The following MAP3K7CL variants were observed in gnomAD, a reference collection of about 807,000 sequenced individuals.
MAP3K7CL encodes the protein MAP3K7 C-terminal-like protein.
MAP3K7CL carries 16 observed loss-of-function variants against 18.6 expected under a neutral mutation model. The ratio of observed to expected loss-of-function variants is 0.86; its 90% CI spans 0.58 to 1.31. The LOEUF is 1.31. Ranked by LOEUF, MAP3K7CL falls within the 50% of genes most tolerant of loss-of-function variation. MAP3K7CL has a pLI of 0.00. For missense variants in MAP3K7CL, 163 were observed against 174.4 expected, an observed-to-expected ratio of 0.93 and a Z score of 0.37; for synonymous variants, 65 against 66.8, an observed-to-expected ratio of 0.97 and a Z score of 0.13.
At chr21:29,149,081 A>T (rs560167433) in intron 2 of MAP3K7CL, 108 bp from the exon 3 acceptor site, 4 of 915,618 alleles carry the variant, frequency 4.4e-6, no homozygotes, top group African/African-American at 3.3e-5. Flanking sequence ...AACTGAAGTG[A>T]TGAAATGACT....
chr21:29,171,775 C>A (rs997429074), intron 4 of MAP3K7CL, among the ~76,000 whole-genome samples: 9 of 142,758 alleles, frequency 6.3e-5, no homozygotes, highest in African/African-American at 2.4e-4. Context: ...CCACCGCACT[C>A]CAGTCTGGGT....
chr21:29,089,931 A>G (rs1176939171), intron 1 of MAP3K7CL, among the ~76,000 whole-genome samples: 6 of 152,024 alleles, frequency 3.9e-5, no homozygotes, highest in Non-Finnish European at 5.9e-5. Flanking sequence ...AATAAGAAAG[A>G]AGGAGGAAAG....
At position 29,130,890 on chromosome 21, in the gene MAP3K7CL, G is replaced by C; in HGVS notation, c.-73G>C. 1.0e-6 allele frequency: 1 copy of C among 985,532 alleles called. No individual in the cohort carries two copies. The highest frequency in any genetic ancestry group is 1.2e-6 in the Non-Finnish European group (1 of 830,014). 61.0% of individuals were successfully genotyped at this position (985,532 alleles called of 1,614,324 possible). A position where few individuals can be genotyped will look rare whatever the true frequency, so the allele number is the denominator to read the frequency against. ...ACTGGCCAAGGCAGTGGCTGGCTCT[G>C]GGTTACACAAGTGCAGACACTCAAC... On this transcript the variant is annotated 5_prime_UTR_variant, in exon 1 of 5. Transcript: ENST00000399928.
chr21:29,143,448 G>C (rs1276923710), intron 2 of MAP3K7CL, among the ~76,000 whole-genome samples: 2 of 151,402 alleles, frequency 1.3e-5, no homozygotes, highest in Admixed American at 1.3e-4. Context: ...TTGAGGCGGA[G>C]TTTCACTCTT....
chr21:29,083,961 AATAT>A (rs898860241), upstream of MAP3K7CL, among the ~76,000 whole-genome samples: 1 of 147,396 alleles, frequency 6.8e-6, no homozygotes, highest in East Asian at 1.9e-4. Context: ...TATAATATAT[AATAT>A]ATATAATTGT....
chr21:29,148,291 G>A (rs2087190522), intron 2 of MAP3K7CL, among the ~76,000 whole-genome samples: 1 of 151,986 alleles, frequency 6.6e-6, no homozygotes, highest in African/African-American at 2.4e-5. Context: ...GTACATATAT[G>A]TGTACTGTGT....
intron 4 of MAP3K7CL, among the ~76,000 whole-genome samples, chr21:29,108,254 C>T (rs865858109): frequency 6.8e-4 from 103 of 152,216 alleles, no homozygotes; most frequent in African/African-American, 2.3e-3. Context: ...CAGATAGCCC[C>T]CTCTCTCCAT....
At chr21:29,150,580 G>A (rs143192877) in intron 3 of MAP3K7CL, among the ~76,000 whole-genome samples, 53 of 152,188 alleles carry the variant, frequency 3.5e-4, no homozygotes, top group African/African-American at 8.2e-4. Flanking sequence ...GAGCTCTGTC[G>A]TCCCCTAAAA....
At chr21:29,114,371 A>G (rs1042758884) in intron 4 of MAP3K7CL, among the ~76,000 whole-genome samples, 2 of 146,240 alleles carry the variant, frequency 1.4e-5, no homozygotes, top group African/African-American at 5.1e-5. Context: ...GCCAGGCCTT[A>G]TTTTGTTTTT....
At position 29,100,226 on chromosome 21, in the gene MAP3K7CL, T is replaced by C. The variant is rs142550583; in HGVS notation, c.370+7645T>C. Among the ~76,000 whole-genome samples, 11 of 152,368 alleles carry C rather than the reference T, an allele frequency of 7.2e-5. No individual in the cohort carries two copies. In the East Asian group the frequency reaches 2.1e-3, roughly 29 times the overall value. ...AAGCCTCACTGGTTTTCGGCATGGCTGCCTTTCTTCATCTCAATTGAGTAA... is the reference window on the plus strand; with the variant it reads ...AAGCCTCACTGGTTTTCGGCATGGCCGCCTTTCTTCATCTCAATTGAGTAA... On this transcript the variant is annotated intron_variant, in intron 4 of 6. Transcript: ENST00000286791.
chr21:29,089,112 G>A (rs987518845), intron 1 of MAP3K7CL, among the ~76,000 whole-genome samples: 11 of 145,576 alleles, frequency 7.6e-5, no homozygotes, highest in Admixed American at 1.4e-4. Context: ...AGAGGTTGCA[G>A]TGAGCCGAGA....
intron 2 of MAP3K7CL, among the ~76,000 whole-genome samples, chr21:29,140,400 C>T (rs2086980144): frequency 6.6e-6 from 1 of 152,148 alleles, no homozygotes; most frequent in East Asian, 1.9e-4. Context: ...ATCTTCTCAT[C>T]AATTTAATAT....
At chr21:29,138,820 A>G (rs1342400135) in intron 2 of MAP3K7CL, among the ~76,000 whole-genome samples, 1 of 152,158 alleles carries the variant, frequency 6.6e-6, no homozygotes, top group Non-Finnish European at 1.5e-5. Context: ...CTATAAAAAA[A>G]ATCAAAAAAT....
At chr21:29,151,573 A>G (rs1161707442) in intron 3 of MAP3K7CL, among the ~76,000 whole-genome samples, 3 of 152,176 alleles carry the variant, frequency 2.0e-5, no homozygotes, top group South Asian at 4.1e-4. Context: ...TCTTTATTCT[A>G]TGGTCATGTC....
At chr21:29,164,706 C>T (rs2087642282) in intron 4 of MAP3K7CL, among the ~76,000 whole-genome samples, 1 of 152,056 alleles carries the variant, frequency 6.6e-6, no homozygotes, top group Non-Finnish European at 1.5e-5. Context: ...TCGCTTCTGG[C>T]TTATGACCAA....
At chr21:29,082,726 G>A (rs898042060), upstream of MAP3K7CL, among the ~76,000 whole-genome samples, 7 of 152,196 alleles carry the variant, frequency 4.6e-5, no homozygotes, top group Admixed American at 1.3e-4. Context: ...AGGCACGTAA[G>A]TTGAGGACAA....
At chr21:29,167,549 T>TA (rs2087719396) in intron 4 of MAP3K7CL, among the ~76,000 whole-genome samples, 1 of 150,990 alleles carries the variant, frequency 6.6e-6, no homozygotes, top group South Asian at 2.1e-4. Context: ...TTTTTTTTTT[T>TA]ATGTTTAACC....
intron 4 of MAP3K7CL, among the ~76,000 whole-genome samples, chr21:29,110,385 C>CA (rs2086398687): frequency 2.0e-5 from 3 of 151,862 alleles, no homozygotes; most frequent in Non-Finnish European, 1.5e-5. Flanking sequence ...CCTGTTGCTC[C>CA]GTTTTTTATC....
intron 4 of MAP3K7CL, among the ~76,000 whole-genome samples, chr21:29,116,882 CT>C (rs2086513121): frequency 6.6e-6 from 1 of 152,004 alleles, no homozygotes; most frequent in South Asian, 2.1e-4. Flanking sequence ...GAATGATTTC[CT>C]GATATATAAA....
Sources: allele counts gnomAD v4.1 joint callset (sites outside exome capture counted in the v4.1 genomes callset), GRCh38; gene constraint gnomAD v4.1.1; transcripts MANE v1.5; gene names NCBI Gene and HGNC (gene_info 2026-07-23, HGNC 2026-07-21).